HDAC9: variants seen among roughly 807,000 people sequenced by gnomAD.
The protein encoded by HDAC9 is histone deacetylase 9.
A neutral mutation model predicts 139.4 loss-of-function variants in HDAC9; 41 were observed. The ratio of observed to expected loss-of-function variants is 0.29; its 90% CI spans 0.23 to 0.38. The LOEUF is 0.38. HDAC9 is among the 10% of genes least tolerant of loss of function. The pLI is 1.00. For synonymous variants in HDAC9, 517 were observed against 476.2 expected (o/e 1.09, Z -1.12); for missense variants, 1,147 against 1,297.0 (o/e 0.88, Z 1.78).
intron 1 of HDAC9, among the ~76,000 whole-genome samples, chr7:18,091,320 G>C (rs139679479): frequency 1.3e-5 from 2 of 152,174 alleles, no homozygotes; most frequent in Admixed American, 6.5e-5. Flanking sequence ...AGAGTATAAC[G>C]TGTTTCTGGT....
At chr7:18,580,718 G>A (rs1257752902) in intron 2 of HDAC9, among the ~76,000 whole-genome samples, 2 of 152,164 alleles carry the variant, frequency 1.3e-5, no homozygotes, top group South Asian at 2.1e-4. Context: ...CCCAGACAAG[G>A]AATGTTGTGA....
At chr7:18,168,902 T>TGTGG in intron 2 of HDAC9, among the ~76,000 whole-genome samples, 1 of 120,846 alleles carries the variant, frequency 8.3e-6, no homozygotes, top group Non-Finnish European at 1.7e-5. Context: ...TTTTTTTGTG[T>TGTGG]GTGTGTGTGT....
intron 9 of HDAC9, among the ~76,000 whole-genome samples, chr7:18,647,168 A>G (rs983135748): frequency 6.6e-6 from 1 of 152,150 alleles, no homozygotes; most frequent in African/African-American, 2.4e-5. Flanking sequence ...TCTTTGAATA[A>G]ATTTTACCTC....
At chr7:18,944,176 T>C (rs183446796) in intron 23 of HDAC9, among the ~76,000 whole-genome samples, 9 of 152,308 alleles carry the variant, frequency 5.9e-5, no homozygotes, top group South Asian at 2.1e-4. Context: ...CACTAGGGAA[T>C]TGATAATAGT....
chr7:18,328,132 A>G (rs1298369532), intron 1 of HDAC9, among the ~76,000 whole-genome samples: 1 of 152,014 alleles, frequency 6.6e-6, no homozygotes, highest in Non-Finnish European at 1.5e-5. Flanking sequence ...TTAACCCATG[A>G]GTATTTTTCT....
intron 2 of HDAC9, among the ~76,000 whole-genome samples, chr7:18,569,199 C>T (rs1463739273): frequency 6.6e-6 from 1 of 152,056 alleles, no homozygotes; most frequent in East Asian, 1.9e-4. Flanking sequence ...CTTTTTAGTG[C>T]AAAAGCAGCT....
intron 16 of HDAC9, among the ~76,000 whole-genome samples, chr7:18,770,564 G>A (rs543714781): frequency 9.9e-5 from 15 of 152,242 alleles, no homozygotes; most frequent in Admixed American, 3.9e-4. Context: ...CAAAAGCAAG[G>A]ACGAGCAGGC....
At chr7:18,375,110 G>A (rs1375525042) in intron 1 of HDAC9, among the ~76,000 whole-genome samples, 1 of 152,202 alleles carries the variant, frequency 6.6e-6, no homozygotes, top group Non-Finnish European at 1.5e-5. Flanking sequence ...ACAGCCTCAG[G>A]CTGGTCCTTC....
At chr7:18,249,882 A>G (rs1794810234) in intron 2 of HDAC9, among the ~76,000 whole-genome samples, 1 of 152,200 alleles carries the variant, frequency 6.6e-6, no homozygotes, top group Non-Finnish European at 1.5e-5. Flanking sequence ...TAAGGGTTTA[A>G]TTAATTATAA....
intron 1 of HDAC9, among the ~76,000 whole-genome samples, chr7:18,088,628 T>C (rs371490673): frequency 6.6e-6 from 1 of 152,220 alleles, no homozygotes; most frequent in East Asian, 1.9e-4. Context: ...GTTTAAAAGA[T>C]ATCTTTTGAC....
intron 22 of HDAC9, among the ~76,000 whole-genome samples, chr7:18,933,726 A>G (rs1203726152): frequency 1.3e-5 from 2 of 152,156 alleles, no homozygotes; most frequent in Non-Finnish European, 2.9e-5. Context: ...AAGATTTCAA[A>G]TGTCAGTTAC....
chr7:18,977,068 T>C (rs892660918), intron 25 of HDAC9, among the ~76,000 whole-genome samples: 3 of 152,220 alleles, frequency 2.0e-5, no homozygotes, highest in African/African-American at 7.2e-5. Context: ...TTTTATGCAA[T>C]TATTTTCTCT....
rs56690120 is a variant in HDAC9 at position 18,207,539 on chromosome 7, C to CTTTTTTTTTTTTTTTTTTTTTTTTT, written c.25+45208_25+45209insTTTTTTTTTTTTTTTTTTTTTTTTT. On this transcript the variant is annotated intron_variant, in intron 2 of 12. Transcript: ENST00000417496. ...CTCTCACCTCATCTGCCCAAGGAGT[C>CTTTTTTTTTTTTTTTTTTTTTTTTT]TTTTTTTTTTTTTTTTTTGATTTGA... Among the ~76,000 whole-genome samples the CTTTTTTTTTTTTTTTTTTTTTTTTT allele has an allele frequency of 2.6e-4, 14 of 53,738 alleles. 4 individuals carry two copies. Among genetic ancestry groups the CTTTTTTTTTTTTTTTTTTTTTTTTT allele is most frequent in the South Asian group, 1.1e-3 (1 of 914 alleles). The allele number at this position is 53,738 out of a possible 152,430, so 35.3% of individuals were successfully genotyped here.
At chr7:18,418,442 A>G (rs1249287046) in intron 1 of HDAC9, among the ~76,000 whole-genome samples, 1 of 147,962 alleles carries the variant, frequency 6.8e-6, no homozygotes, top group Non-Finnish European at 1.5e-5. Context: ...AAAAAAAAAA[A>G]CTACAGCTAC....
chr7:18,165,095 T>C (rs1448245461), intron 2 of HDAC9, among the ~76,000 whole-genome samples: 1 of 152,216 alleles, frequency 6.6e-6, no homozygotes, highest in Non-Finnish European at 1.5e-5. Context: ...ATTTCCTCTG[T>C]ACAGCAGTAT....
At chr7:18,269,110 C>T (rs571367273) in intron 2 of HDAC9, among the ~76,000 whole-genome samples, 1 of 152,240 alleles carries the variant, frequency 6.6e-6, no homozygotes, top group East Asian at 1.9e-4. Context: ...AAAGTTAAGT[C>T]TTCTGGAAGT....
intron 12 of HDAC9, chr7:18,667,200 A>T: frequency 1.0e-6 from 1 of 985,328 alleles, no homozygotes. Flanking sequence ...GTGTAATTTG[A>T]TGACACTGTC....
intron 13 of HDAC9, among the ~76,000 whole-genome samples, chr7:18,744,573 T>G (rs1402836204): frequency 3.3e-5 from 5 of 152,154 alleles, no homozygotes; most frequent in African/African-American, 1.2e-4. Flanking sequence ...ATAATTTTAG[T>G]CCAAATGTTC....
chr7:18,158,450 C>G (rs554662791), intron 1 of HDAC9, among the ~76,000 whole-genome samples: 31 of 152,284 alleles, frequency 2.0e-4, no homozygotes, highest in African/African-American at 7.5e-4. Flanking sequence ...TAGGCAATGT[C>G]TTGATGTTCA....
Sources: allele counts gnomAD v4.1 joint callset (sites outside exome capture counted in the v4.1 genomes callset), GRCh38; gene constraint gnomAD v4.1.1; transcripts MANE v1.5; gene names NCBI Gene and HGNC (gene_info 2026-07-23, HGNC 2026-07-21).